The following RAB38 variants were observed in gnomAD, a reference collection of about 807,000 sequenced individuals.
RAB38 encodes the protein RAB38, member RAS oncogene family, also known as ras-related protein Rab-38.
Under a neutral mutation model 18.4 loss-of-function variants are expected in RAB38, and 15 were observed. That is an observed-to-expected ratio of 0.82 (90% CI 0.55 to 1.26). The LOEUF (loss-of-function observed/expected upper bound fraction) is 1.26. RAB38 is among the 50% of genes most tolerant of loss of function. The probability of loss-of-function intolerance (pLI) is 0.00; values close to 1 mark genes in which losing one functional copy is unlikely to be tolerated. For missense variants in RAB38, 294 were observed against 267.4 expected (o/e 1.10, Z -0.69); for synonymous variants, 101 against 104.4 (o/e 0.97, Z 0.20).
the RAB38 span, among the ~76,000 whole-genome samples, chr11:87,829,239 A>C: frequency 2.0e-5 from 3 of 152,344 alleles, no homozygotes; most frequent in East Asian, 3.9e-4. Context: ...TAGTATGATC[A>C]CCACCTGGGT....
chr11:88,075,086 C>T, the RAB38 span, among the ~76,000 whole-genome samples: 1 of 152,054 alleles, frequency 6.6e-6, no homozygotes, highest in East Asian at 1.9e-4. Flanking sequence ...AGTTAGACAC[C>T]AATACAATAA....
chr11:88,087,834 T>C, the RAB38 span, among the ~76,000 whole-genome samples: 2 of 151,956 alleles, frequency 1.3e-5, no homozygotes, highest in Non-Finnish European at 2.9e-5. Flanking sequence ...TGGTTCCTGA[T>C]GGTTTCTTCA....
At chr11:88,060,344 C>G in the RAB38 span, 1 of 152,140 alleles carries the variant, frequency 6.6e-6, no homozygotes, top group African/African-American at 2.4e-5. Flanking sequence ...GTCAGACAGA[C>G]TTTAAAGAGT....
the RAB38 span, among the ~76,000 whole-genome samples, chr11:87,866,926 C>T: frequency 6.6e-6 from 1 of 151,762 alleles, no homozygotes; most frequent in Non-Finnish European, 1.5e-5. Context: ...ACACCTTTCC[C>T]TATAGAGTTC....
At chr11:88,044,471 C>T in the RAB38 span, among the ~76,000 whole-genome samples, 47 of 152,160 alleles carry the variant, frequency 3.1e-4, no homozygotes, top group Non-Finnish European at 1.3e-4. Context: ...CTTAAAACCT[C>T]TTCAACTCAC....
the RAB38 span, among the ~76,000 whole-genome samples, chr11:87,869,553 T>A: frequency 1.3e-5 from 2 of 151,406 alleles, no homozygotes; most frequent in African/African-American, 2.4e-5. Context: ...ATTGGATAAA[T>A]CACAGCAGCA....
the RAB38 span, among the ~76,000 whole-genome samples, chr11:88,020,834 G>T: frequency 2.1e-3 from 313 of 152,156 alleles, 1 homozygote; most frequent in Non-Finnish European, 3.4e-3. Context: ...TAAACAATAT[G>T]CTCCCAAACA....
the RAB38 span, among the ~76,000 whole-genome samples, chr11:88,037,054 G>C: frequency 6.6e-6 from 1 of 151,900 alleles, no homozygotes; most frequent in Non-Finnish European, 1.5e-5. Flanking sequence ...AAAAAGAATG[G>C]TCTTTGAAGA....
At chr11:88,115,431 T>C (rs543447479) in intron 2 of RAB38, 1 of 152,356 alleles carries the variant, frequency 6.6e-6, no homozygotes, top group East Asian at 1.9e-4. Flanking sequence ...GGCTTCCAAA[T>C]GGCATCCATG....
the RAB38 span, among the ~76,000 whole-genome samples, chr11:87,887,437 T>C: frequency 6.4e-5 from 6 of 94,052 alleles, no homozygotes; most frequent in African/African-American, 1.6e-4. Context: ...TGGTGTGAAG[T>C]GCAGAAAATA....
At chr11:87,822,572 C>A in the RAB38 span, among the ~76,000 whole-genome samples, 1 of 152,210 alleles carries the variant, frequency 6.6e-6, no homozygotes, top group Non-Finnish European at 1.5e-5. Flanking sequence ...CCAGCTTACT[C>A]AAGTGAAACT....
At chr11:87,953,821 T>C in the RAB38 span, among the ~76,000 whole-genome samples, 2 of 151,932 alleles carry the variant, frequency 1.3e-5, no homozygotes, top group Non-Finnish European at 2.9e-5. Context: ...AATGCTTGCC[T>C]TTTTTAGGCC....
chr11:88,043,950 G>A, the RAB38 span, among the ~76,000 whole-genome samples: 4 of 152,296 alleles, frequency 2.6e-5, no homozygotes, highest in East Asian at 7.7e-4. Context: ...TTTAAATCTA[G>A]TAAGCAACCT....
chr11:87,939,375 T>TACACACAC, the RAB38 span, among the ~76,000 whole-genome samples: 8 of 102,012 alleles, frequency 7.8e-5, no homozygotes, highest in African/African-American at 2.3e-4. Context: ...AACACACACA[T>TACACACAC]ACATACACAC....
At chr11:87,948,919 G>T in the RAB38 span, among the ~76,000 whole-genome samples, 6 of 152,094 alleles carry the variant, frequency 3.9e-5, no homozygotes, top group African/African-American at 1.4e-4. Flanking sequence ...GAGTTAGGGA[G>T]GATTCCCTCT....
chr11:88,111,234 C>T (rs924507265), downstream of RAB38, among the ~76,000 whole-genome samples: 3 of 152,082 alleles, frequency 2.0e-5, no homozygotes, highest in Admixed American at 6.6e-5. Context: ...GCTGCAACTG[C>T]CCTTTCAGAT....
intron 2 of RAB38, among the ~76,000 whole-genome samples, chr11:88,122,158 AC>A (rs1292642697): frequency 2.6e-5 from 4 of 152,198 alleles, no homozygotes; most frequent in Non-Finnish European, 5.9e-5. Flanking sequence ...CGAGGCAGAC[AC>A]AGCTCTTGAG....
At chr11:88,087,003 A>C in the RAB38 span, among the ~76,000 whole-genome samples, 1 of 151,948 alleles carries the variant, frequency 6.6e-6, no homozygotes, top group Non-Finnish European at 1.5e-5. Context: ...ATGTCCTATA[A>C]GGAGGAGTCT....
At chr11:88,130,709 T>C (rs1359498006) in intron 2 of RAB38, among the ~76,000 whole-genome samples, 2 of 152,188 alleles carry the variant, frequency 1.3e-5, no homozygotes, top group African/African-American at 2.4e-5. Context: ...CTGAAGACTA[T>C]TAATTATTTA....
Sources: allele counts gnomAD v4.1 joint callset (sites outside exome capture counted in the v4.1 genomes callset), GRCh38; gene constraint gnomAD v4.1.1; transcripts MANE v1.5; gene names NCBI Gene and HGNC (gene_info 2026-07-23, HGNC 2026-07-21).